STK38: variants seen among roughly 807,000 people sequenced by gnomAD.
The protein encoded by STK38 is serine/threonine kinase 38.
A neutral mutation model predicts 59.0 loss-of-function variants in STK38; 26 were observed. The ratio of observed to expected loss-of-function variants is 0.44; its 90% confidence interval spans 0.32 to 0.61. STK38 has a LOEUF of 0.61. STK38 is among the 20% of genes least tolerant of loss of function. STK38 has a pLI of 0.04. For synonymous variants in STK38, 175 were observed against 176.6 expected (o/e 0.99, Z 0.07); for missense variants, 433 against 566.0 (o/e 0.76, Z 2.38).
intron 7 of STK38, among the ~76,000 whole-genome samples, chr6:36,514,483 AGGTGAACGGGATTTTAGG>A (rs1181295871): frequency 1.6e-4 from 24 of 152,204 alleles, no homozygotes; most frequent in Admixed American, 1.6e-3. Flanking sequence ...AGAGTTTTAG[AGGTGAACGGGATTTTAGG>A]GGTTTCCTAG....
At chr6:36,509,078 G>A (rs926136852) in intron 7 of STK38, among the ~76,000 whole-genome samples, 4 of 152,228 alleles carry the variant, frequency 2.6e-5, no homozygotes, top group Admixed American at 2.0e-4. Flanking sequence ...AACACGGCGA[G>A]CAAGGGAGAC....
At chr6:36,526,455 C>G (rs1777515802) in intron 2 of STK38, among the ~76,000 whole-genome samples, 1 of 152,142 alleles carries the variant, frequency 6.6e-6, no homozygotes, top group Admixed American at 6.5e-5. Flanking sequence ...TGACTGGCAC[C>G]ACTATCAAAA....
Position 36,507,534 on chromosome 6 carries a change from A to G in STK38, c.738T>C (p.Tyr246=), listed in dbSNP as rs1173596307. ...GLKKAHRTEF[Y]RNLNHSLPSD... ...TGGGGAGGCTGTGGTTCAGATTCCT[A>G]TAAAATTCTGTCCTATGTGCTTTTT... The change falls in exon 8 of 14, where the codon TAT becomes TAC. Residue 246 remains tyrosine, a synonymous_variant. Transcript: ENST00000229812. 35 of 1,614,156 alleles carry G rather than the reference A, an allele frequency of 2.2e-5. No homozygotes were observed. Among genetic ancestry groups the G allele is most frequent in the Non-Finnish European group, 2.9e-5 (34 of 1,180,014 alleles).
chr6:36,513,672 G>A (rs1308523085), intron 7 of STK38, among the ~76,000 whole-genome samples: 2 of 151,532 alleles, frequency 1.3e-5, no homozygotes, highest in African/African-American at 4.8e-5. Context: ...ACACTCTCTA[G>A]CCTTTGATGT....
At chr6:36,527,066 C>T (rs1382868701) in intron 2 of STK38, among the ~76,000 whole-genome samples, 1 of 151,086 alleles carries the variant, frequency 6.6e-6, no homozygotes, top group African/African-American at 2.4e-5. Flanking sequence ...GTGGCGAGCG[C>T]CTGTAGTCCC....
intron 2 of STK38, among the ~76,000 whole-genome samples, chr6:36,534,982 T>C (rs1777752701): frequency 6.6e-6 from 1 of 151,830 alleles, no homozygotes; most frequent in East Asian, 1.9e-4. Flanking sequence ...GAATACAAGA[T>C]CAATATACAA....
intron 9 of STK38, among the ~76,000 whole-genome samples, chr6:36,503,424 A>G (rs1233751036): frequency 7.1e-6 from 1 of 140,684 alleles, no homozygotes; most frequent in African/African-American, 2.9e-5. Flanking sequence ...TTTTCCATAT[A>G]GCTAAGTGTG....
At chr6:36,512,112 G>C (rs539134979) in intron 7 of STK38, among the ~76,000 whole-genome samples, 1 of 152,196 alleles carries the variant, frequency 6.6e-6, no homozygotes, top group Non-Finnish European at 1.5e-5. Flanking sequence ...CTTTTTAAAA[G>C]CAGTTCCTGG....
chr6:36,530,262 G>A (rs755148437), intron 2 of STK38, among the ~76,000 whole-genome samples: 2 of 151,418 alleles, frequency 1.3e-5, no homozygotes, highest in Non-Finnish European at 2.9e-5. Flanking sequence ...AAGAGAAGAG[G>A]AGCGACAGAT....
At chr6:36,523,072 C>A (rs2127480282) in intron 4 of STK38, among the ~76,000 whole-genome samples, 1 of 152,048 alleles carries the variant, frequency 6.6e-6, no homozygotes, top group East Asian at 1.9e-4. Context: ...GTTTTCTTCT[C>A]CCTGAACCTT....
At chr6:36,535,833 G>A (rs554507624) in intron 2 of STK38, among the ~76,000 whole-genome samples, 2 of 141,158 alleles carry the variant, frequency 1.4e-5, no homozygotes, top group African/African-American at 5.3e-5. Flanking sequence ...CCAAGATCAC[G>A]CCACTGCACC....
intron 12 of STK38, among the ~76,000 whole-genome samples, chr6:36,497,435 G>C (rs981617781): frequency 6.6e-6 from 1 of 152,064 alleles, no homozygotes; most frequent in Non-Finnish European, 1.5e-5. Context: ...CTATGTTCCA[G>C]TGATACCTTC....
intron 2 of STK38, among the ~76,000 whole-genome samples, chr6:36,534,939 TAAA>T (rs1005441508): frequency 6.7e-6 from 1 of 150,134 alleles, no homozygotes; most frequent in South Asian, 2.1e-4. Flanking sequence ...ATATGCAAAT[TAAA>T]AAAAAATCTA....
At chr6:36,507,440 G>C in intron 8 of STK38, 60 bp downstream of exon 8, 1 of 1,401,314 alleles carries the variant, frequency 7.1e-7, no homozygotes. Flanking sequence ...TGGTTACAAG[G>C]GAAACAGCTC....
intron 3 of STK38, 45 bp downstream of exon 3, chr6:36,525,546 C>T (rs969224840): frequency 6.3e-7 from 1 of 1,580,704 alleles, no homozygotes; most frequent in Non-Finnish European, 8.7e-7. Context: ...CAAGATACAA[C>T]CTGCCACGCT....
At chr6:36,496,678 T>C in intron 13 of STK38, 33 bp downstream of exon 13, 5 of 1,513,620 alleles carry the variant, frequency 3.3e-6, no homozygotes, top group Non-Finnish European at 4.6e-6. Context: ...AATGTGCTTA[T>C]AAGGCAGCAG....
chr6:36,505,407 T>G (rs562516070), intron 9 of STK38, among the ~76,000 whole-genome samples: 13 of 152,294 alleles, frequency 8.5e-5, no homozygotes, highest in African/African-American at 3.1e-4. Flanking sequence ...ATTTCCCAAG[T>G]AAATATTGTC....
In STK38 at chr6:36,541,405, A is replaced by AT. The variant is rs199596657; in HGVS notation, c.-5-1199_-5-1198insA. ...GACAACATAGTGAGACCTAAAAAAA[A>AT]ATATACAGTATGCATACAGTACAAT... On this transcript the variant is annotated intron_variant, in intron 1 of 13. Coordinates refer to ENST00000229812, the MANE Select transcript of STK38 (RefSeq NM_007271.4). 5.7e-3 allele frequency among the ~76,000 whole-genome samples: 875 copies of AT among 152,300 alleles called. 8 individuals carry two copies. Among genetic ancestry groups the AT allele is most frequent in the African/African-American group, 0.02 (830 of 41,554 alleles).
intron 2 of STK38, among the ~76,000 whole-genome samples, chr6:36,527,571 CA>C (rs899346322): frequency 7.3e-5 from 11 of 151,448 alleles, no homozygotes; most frequent in African/African-American, 9.7e-5. Context: ...AAAAAACCTT[CA>C]GACATCAAAC....
Sources: gnomAD v4.1 joint callset for allele counts (sites outside exome capture counted in the v4.1 genomes callset) on GRCh38, gnomAD v4.1.1 for gene constraint, MANE v1.5 for transcripts, NCBI Gene and HGNC (gene_info 2026-07-23, HGNC 2026-07-21) for gene names.